GSX2: variants seen among roughly 807,000 people sequenced by gnomAD.
GSX2 encodes GS homeobox 2, also known as genetic-screened homeobox 2.
A neutral mutation model predicts 19.2 loss-of-function variants in GSX2; 16 were observed. The observed-to-expected ratio is 0.84, with a 90% confidence interval of 0.57 to 1.27. The LOEUF (loss-of-function observed/expected upper bound fraction) is 1.27. Ranked by LOEUF, GSX2 falls within the 50% of genes most tolerant of loss-of-function variation. GSX2 has a pLI of 0.00. For synonymous variants in GSX2, 217 were observed against 196.4 expected (o/e 1.10, Z -0.88); for missense variants, 448 against 428.4 (o/e 1.05, Z -0.40).
Position 54,100,676 on chromosome 4 carries a change from C to A in GSX2, c.332C>A (p.Ser111Ter), listed in dbSNP as rs777034082. 2 of 1,548,786 alleles carry A rather than the reference C, an allele frequency of 1.3e-6. No individual in the cohort carries two copies. Among genetic ancestry groups the A allele is most frequent in the South Asian group, 1.2e-5 (1 of 83,954 alleles). ...ALPLLKGQFS[S>*]APGDAQFCPR... ...CCTCTGCTTAAGGGCCAGTTCTCTT[C>A]GGCTCCTGGGGACGCGCAGTTTTGC... Residue 111 changes from serine (S) to a stop codon, truncating the protein, a stop_gained, in exon 1 of 2, where the codon TCG becomes TAG. Coordinates refer to ENST00000326902, the MANE Select transcript of GSX2 (RefSeq NM_133267.3). LOFTEE classifies it high-confidence loss of function.
At position 54,101,513 on chromosome 4, in the gene GSX2, G is replaced by C. The variant is rs1718174209; in HGVS notation, c.575-69G>C. 8 of 1,068,020 alleles carry C rather than the reference G, an allele frequency of 7.5e-6. No homozygotes were observed. The highest frequency in any genetic ancestry group is 9.8e-6 in the Non-Finnish European group (7 of 714,472). The allele number at this position is 1,068,020 out of a possible 1,614,324, so 66.2% of individuals were successfully genotyped here. On this transcript the variant is annotated intron_variant, in intron 1 of 1. Transcript: ENST00000326902. The surrounding 1 kb of genome is among the most constrained non-coding windows in gnomAD (Gnocchi z 5.0). ...CGGGTGGGTCCCTGAAATGCGTCCT[G>C]GTTAGCACATGGGGTGGGAGCACCT... is the stretch of plus-strand genomic sequence containing the variant.
chr4:54,101,683 T>C lies in GSX2; in HGVS notation c.676T>C (p.Tyr226His). The change falls in exon 2 of 2, where the codon TAC becomes CAC. Residue 226 changes from tyrosine to histidine, a missense_variant. Tyr to His is a moderately conservative substitution (Grantham distance 83). Coordinates refer to ENST00000326902, the MANE Select transcript of GSX2 (RefSeq NM_133267.3). This position sits in a 1 kb window ranked among gnomAD's most constrained non-coding sequence, Gnocchi z 5.0. ...GGAGAGAGAATTCTCTTCCAACATG[T>C]ACCTGTCTCGACTCCGGAGGATTGA... ...ELEREFSSNM[Y>H]LSRLRRIEIA... 6.2e-7 allele frequency: 1 copy of C among 1,614,114 alleles called. No individual in the cohort carries two copies. Among genetic ancestry groups the C allele is most frequent in the Non-Finnish European group, 8.5e-7 (1 of 1,179,940 alleles).
Position 54,100,838 on chromosome 4 carries a change from A to T in GSX2, c.494A>T (p.His165Leu). The stretch of plus-strand genomic sequence containing the variant: ...GCGGCGGCCGCGGCGGCCTTGGGGC[A>T]CCCGCAGCACCACGCACCTGTCTGC... Reference protein sequence around the residue: ...AAAAAAAALGHPQHHAPVCTA... With the variant: ...AAAAAAAALGLPQHHAPVCTA... The change falls in exon 1 of 2, where the codon CAC (histidine) becomes CTC (leucine). Residue 165 changes from histidine to leucine, a missense_variant. Coordinates refer to ENST00000326902, the MANE Select transcript of GSX2 (RefSeq NM_133267.3). 6.6e-7 allele frequency: 1 copy of T among 1,509,916 alleles called. No individual in the cohort carries two copies. The highest frequency in any genetic ancestry group is 8.8e-7 in the Non-Finnish European group (1 of 1,138,384). The allele number at this position is 1,509,916 out of a possible 1,614,324, so 93.5% of individuals were successfully genotyped here.
chr4:54,100,266 C>T lies in GSX2; in HGVS notation c.-79C>T, dbSNP rs1236903326. ...CTTGACTGCCCGTGTCTGCGCGGCT[C>T]CCAGGGCAGAGCTTAGAACACTAGA... On this transcript the variant is annotated 5_prime_UTR_variant, in exon 1 of 2. Transcript: ENST00000326902. 45 of 1,571,074 alleles carry T rather than the reference C, an allele frequency of 2.9e-5. 1 individual carries two copies. The Admixed American group carries it at 8.2e-4, about 29-fold the overall frequency.
At position 54,101,105 on chromosome 4, in the gene GSX2, T is replaced by A. The variant is rs1473110784; in HGVS notation, c.574+187T>A. ...GAAGTTAGTTTGCCAGCTTCTCCAC[T>A]CAGCCTGGTGCGTTTTACTCCTAGT... On this transcript the variant is annotated intron_variant, in intron 1 of 1. Coordinates refer to ENST00000326902, the MANE Select transcript of GSX2 (RefSeq NM_133267.3). This position sits in a 1 kb window ranked among gnomAD's most constrained non-coding sequence, Gnocchi z 5.0. Among the ~76,000 whole-genome samples the A allele has an allele frequency of 1.3e-5, 2 of 152,228 alleles. No homozygotes were observed. Among genetic ancestry groups the A allele is most frequent in the East Asian group, 3.9e-4 (2 of 5,184 alleles).
Position 54,100,501 on chromosome 4 carries a change from C to T in GSX2, c.157C>T (p.Arg53Cys). The change falls in exon 1 of 2, where the codon CGC becomes TGC. Residue 53 changes from arginine to cysteine, a missense_variant. By Grantham distance (180) the Arg-to-Cys change is radical. Transcript: ENST00000326902. ...MSVSGPGCPS[R>C]KSGAFCVCPL... Reference sequence around the variant, plus strand: ...CGTGTCCGGCCCCGGCTGCCCGTCCCGCAAGAGCGGCGCGTTCTGCGTGTG... The same window carrying T: ...CGTGTCCGGCCCCGGCTGCCCGTCCTGCAAGAGCGGCGCGTTCTGCGTGTG... The T allele has an allele frequency of 1.9e-6, 3 of 1,613,548 alleles. No homozygotes were observed. The highest frequency in any genetic ancestry group is 2.5e-6 in the Non-Finnish European group (3 of 1,179,876).
rs1383031298 is a variant in GSX2 at position 54,101,417 on chromosome 4, CTT to C, written c.575-162_575-161del. 6.6e-6 allele frequency among the ~76,000 whole-genome samples: 1 copy of C among 152,210 alleles called. No homozygotes were observed. Among genetic ancestry groups the C allele is most frequent in the African/African-American group, 2.4e-5 (1 of 41,468 alleles). On this transcript the variant is annotated intron_variant, in intron 1 of 1. Transcript: ENST00000326902. This position sits in a 1 kb window ranked among gnomAD's most constrained non-coding sequence, Gnocchi z 5.0. ...AGACCTTTATTTGCTTTGCACGTCT[CTT>C]TTCTTCCCCGCTAAGCAACCACGTG...
In GSX2 at chr4:54,100,574, G is replaced by A. The variant is rs1187244175; in HGVS notation, c.230G>A (p.Gly77Asp). 6.9e-6 allele frequency: 11 copies of A among 1,583,296 alleles called. No homozygotes were observed. The highest frequency in any genetic ancestry group is 8.6e-6 in the Non-Finnish European group (10 of 1,166,724). ...CTGCACTCCTCTCGGGGGTCTGTGG[G>A]CGCCGGCAGCGGGGGCGCAGGGGCC... is the stretch of plus-strand genomic sequence containing the variant. The part of the protein sequence containing the change: ...SHLHSSRGSV[G>D]AGSGGAGAGV... Residue 77 changes from glycine to aspartate, a missense_variant, in exon 1 of 2, where the codon GGC (glycine) becomes GAC (aspartate). By Grantham distance (94) the Gly-to-Asp change is moderately conservative. Transcript: ENST00000326902.
chr4:54,101,959 A>T lies in GSX2; in HGVS notation c.*37A>T, dbSNP rs1224435867. 2 of 1,495,326 alleles carry T rather than the reference A, an allele frequency of 1.3e-6. No homozygotes were observed. The highest frequency in any genetic ancestry group is 1.8e-6 in the Non-Finnish European group (2 of 1,111,252). The allele number at this position is 1,495,326 out of a possible 1,614,324, so 92.6% of individuals were successfully genotyped here. A position where few individuals can be genotyped will look rare whatever the true frequency, so the allele number is the denominator to read the frequency against. On this transcript the variant is annotated 3_prime_UTR_variant, in exon 2 of 2. Coordinates refer to ENST00000326902, the MANE Select transcript of GSX2 (RefSeq NM_133267.3). The surrounding 1 kb of genome is among the most constrained non-coding windows in gnomAD (Gnocchi z 5.0). Reference sequence around the variant, plus strand: ...CTCCCTCACATCCCCCGCTCCTGGCAGACCAGGCAACGCCAAGGCGTGGGG... The same window carrying T: ...CTCCCTCACATCCCCCGCTCCTGGCTGACCAGGCAACGCCAAGGCGTGGGG...
chr4:54,101,786 A>C lies in GSX2; in HGVS notation c.779A>C (p.Glu260Ala). The C allele has an allele frequency of 2.5e-6, 4 of 1,614,206 alleles. No homozygotes were observed. The highest frequency in any genetic ancestry group is 3.4e-6 in the Non-Finnish European group (4 of 1,180,036). Residue 260 changes from glutamate to alanine, a missense_variant, in exon 2 of 2, where the codon GAG (glutamate) becomes GCG (alanine). By Grantham distance (107) the Glu-to-Ala change is moderately radical (BLOSUM62 -1). Coordinates refer to ENST00000326902, the MANE Select transcript of GSX2 (RefSeq NM_133267.3). This position sits in a 1 kb window ranked among gnomAD's most constrained non-coding sequence, Gnocchi z 5.0. ...FQNRRVKHKK[E>A]GKGTQRNSHA... ...AACCGCCGAGTGAAGCACAAGAAGG[A>C]GGGGAAGGGCACGCAGAGGAACAGT...
rs1384185030 is a variant in GSX2, at chr4:54,100,790, C to T, written c.446C>T (p.Ala149Val). ...HQPQQPGSAA[A>V]AAAAAAAAAA... ...CCCCAGCAGCCTGGCTCGGCCGCGG[C>T]GGCGGCAGCAGCAGCAGCGGCGGCG... Residue 149 changes from alanine (A) to valine (V), a missense_variant, in exon 1 of 2, where the codon GCG (alanine) becomes GTG (valine). Coordinates refer to ENST00000326902, the MANE Select transcript of GSX2 (RefSeq NM_133267.3). 2 of 1,465,524 alleles carry T rather than the reference C, an allele frequency of 1.4e-6. No individual in the cohort carries two copies. Among genetic ancestry groups the T allele is most frequent in the South Asian group, 1.4e-5 (1 of 71,768 alleles). The allele number at this position is 1,465,524 out of a possible 1,614,324, so 90.8% of individuals were successfully genotyped here.
chr4:54,100,651 C>G lies in GSX2; in HGVS notation c.307C>G (p.Pro103Ala). The G allele has an allele frequency of 1.3e-6, 2 of 1,548,220 alleles. No homozygotes were observed. The highest frequency in any genetic ancestry group is 1.7e-6 in the Non-Finnish European group (2 of 1,146,124). ...GGTGGCAGGGGCCGCAGGGGCACTG[C>G]CTCTGCTTAAGGGCCAGTTCTCTTC... ...SGVAGAAGAL[P>A]LLKGQFSSAP... Residue 103 changes from proline (P) to alanine (A), a missense_variant, in exon 1 of 2, where the codon CCT (proline) becomes GCT (alanine). Pro to Ala is a conservative substitution (Grantham distance 27). Transcript: ENST00000326902.
rs145597698 is a variant in GSX2, at chr4:54,100,378, A to G, written c.34A>G (p.Ile12Val). The change falls in exon 1 of 2, where the codon ATC (isoleucine) becomes GTC (valine). Residue 12 changes from isoleucine (I) to valine (V), a missense_variant. By Grantham distance (29) the Ile-to-Val change is conservative (BLOSUM62 3). Coordinates refer to ENST00000326902, the MANE Select transcript of GSX2 (RefSeq NM_133267.3). ...SRSFYVDSLI[I>V]KDTSRPAPSL... The stretch of plus-strand genomic sequence containing the variant: ...CTCCTTCTATGTCGACTCGCTCATC[A>G]TCAAGGACACCTCACGGCCTGCGCC... The G allele has an allele frequency of 6.1e-4, 977 of 1,613,900 alleles. 4 individuals are homozygous for G. The African/African-American group carries it at 8.1e-3, about 13-fold the overall frequency.
rs1273257126 is a variant in GSX2, at chr4:54,102,242, T to G, written c.*320T>G. On this transcript the variant is annotated 3_prime_UTR_variant, in exon 2 of 2. Coordinates refer to ENST00000326902, the MANE Select transcript of GSX2 (RefSeq NM_133267.3). ...ACTGTATGGGGTTTTTGAAAGCACA[T>G]GTCAGTTCCCCATCCCTACTCTCTT... The G allele has an allele frequency of 8.1e-6, 2 of 246,710 alleles. No homozygotes were observed. Among genetic ancestry groups the G allele is most frequent in the East Asian group, 1.7e-4 (2 of 11,814 alleles). The allele number at this position is 246,710 out of a possible 1,614,324, so 15.3% of individuals were successfully genotyped here. A position where few individuals can be genotyped will look rare whatever the true frequency, so the allele number is the denominator to read the frequency against.
chr4:54,100,477 G>A lies in GSX2; in HGVS notation c.133G>A (p.Val45Met). The change falls in exon 1 of 2, where the codon GTG becomes ATG. Residue 45 changes from valine (V) to methionine (M), a missense_variant. Coordinates refer to ENST00000326902, the MANE Select transcript of GSX2 (RefSeq NM_133267.3). ...LGMPPPLVMS[V>M]SGPGCPSRKS... The stretch of plus-strand genomic sequence containing the variant: ...CATGCCGCCCCCATTGGTGATGTCC[G>A]TGTCCGGCCCCGGCTGCCCGTCCCG... 6.2e-7 allele frequency: 1 copy of A among 1,613,826 alleles called. No individual in the cohort carries two copies. The highest frequency in any genetic ancestry group is 8.5e-7 in the Non-Finnish European group (1 of 1,179,944).
chr4:54,101,720 AC>A lies in GSX2; in HGVS notation c.715del (p.Leu239Ter). On this transcript the variant is annotated frameshift_variant, in exon 2 of 2. Transcript: ENST00000326902. LOFTEE classifies it high-confidence loss of function. The surrounding 1 kb of genome is among the most constrained non-coding windows in gnomAD (Gnocchi z 5.0). ...CTCCGGAGGATTGAAATCGCCACTT[AC>A]CTGAACCTGTCGGAGAAGCAGGTGA... is the stretch of plus-strand genomic sequence containing the variant. The part of the protein sequence containing the change: ...SRLRRIEIAT[Y>X]LNLSEKQVKI... 1.9e-6 allele frequency: 3 copies of A among 1,614,160 alleles called. No homozygotes were observed. The highest frequency in any genetic ancestry group is 2.5e-6 in the Non-Finnish European group (3 of 1,180,030).
chr4:54,100,804 G>A lies in GSX2; in HGVS notation c.460G>A (p.Ala154Thr). The change falls in exon 1 of 2, where the codon GCA becomes ACA. Residue 154 changes from alanine to threonine, a missense_variant. Coordinates refer to ENST00000326902, the MANE Select transcript of GSX2 (RefSeq NM_133267.3). ...CTCGGCCGCGGCGGCGGCAGCAGCAGCAGCGGCGGCGGCGGCCGCGGCGGC... is the reference window on the plus strand; with the variant it reads ...CTCGGCCGCGGCGGCGGCAGCAGCAACAGCGGCGGCGGCGGCCGCGGCGGC... ...PGSAAAAAAAAAAAAAAAALG... is the reference protein window; with the variant it reads ...PGSAAAAAAATAAAAAAAALG... 1 of 1,455,206 alleles carries A rather than the reference G, an allele frequency of 6.9e-7. No individual in the cohort carries two copies. Among genetic ancestry groups the A allele is most frequent in the Non-Finnish European group, 9.0e-7 (1 of 1,112,106 alleles). 90.1% of individuals were successfully genotyped at this position (1,455,206 alleles called of 1,614,324 possible).
At position 54,102,222 on chromosome 4, in the gene GSX2, A is replaced by T. The variant is rs1718188893; in HGVS notation, c.*300A>T. 3.2e-6 allele frequency: 1 copy of T among 308,806 alleles called. No individual in the cohort carries two copies. The highest frequency in any genetic ancestry group is 6.9e-5 in the South Asian group (1 of 14,558). 19.1% of individuals were successfully genotyped at this position (308,806 alleles called of 1,614,324 possible). ...AGGGTTGGTTTAAGTTTAACACTGT[A>T]TGGGGTTTTTGAAAGCACATGTCAG... is the stretch of plus-strand genomic sequence containing the variant. On this transcript the variant is annotated 3_prime_UTR_variant, in exon 2 of 2. Transcript: ENST00000326902.
Position 54,100,234 on chromosome 4 carries a change from C to T in GSX2, c.-111C>T. ...CCCAGACGCCAACACCTCTGCGTCCCCAAGGGCTTGACTGCCCGTGTCTGC... is the reference window on the plus strand; with the variant it reads ...CCCAGACGCCAACACCTCTGCGTCCTCAAGGGCTTGACTGCCCGTGTCTGC... On this transcript the variant is annotated 5_prime_UTR_variant, in exon 1 of 2. Coordinates refer to ENST00000326902, the MANE Select transcript of GSX2 (RefSeq NM_133267.3). 6.7e-7 allele frequency: 1 copy of T among 1,498,808 alleles called. No homozygotes were observed. The highest frequency in any genetic ancestry group is 1.2e-5 in the South Asian group (1 of 82,106). 92.8% of individuals were successfully genotyped at this position (1,498,808 alleles called of 1,614,324 possible).
Sources: allele counts gnomAD v4.1 joint callset (sites outside exome capture counted in the v4.1 genomes callset), GRCh38; gene constraint gnomAD v4.1.1; non-coding constraint Gnocchi (gnomAD v3.1); transcripts MANE v1.5; gene names NCBI Gene and HGNC (gene_info 2026-07-23, HGNC 2026-07-21).